The following SMC6 variants were observed in gnomAD, a reference collection of about 807,000 sequenced individuals.
SMC6 encodes structural maintenance of chromosomes 6, also known as structural maintenance of chromosomes protein 6.
Under a neutral mutation model 142.2 loss-of-function variants are expected in SMC6, and 79 were observed. That is an observed-to-expected ratio of 0.56 (90% CI 0.46 to 0.67). The LOEUF is 0.67. Ranked by LOEUF, SMC6 falls within the 30% of genes least tolerant of loss-of-function variation. The probability of loss-of-function intolerance (pLI) is 0.00; values close to 1 mark genes in which losing one functional copy is unlikely to be tolerated. For missense variants in SMC6, 1,072 were observed against 1,284.0 expected (o/e 0.83, Z 2.52); for synonymous variants, 411 against 412.4 (o/e 1.00, Z 0.04).
At chr2:17,720,881 A>T in intron 11 of SMC6, 59 bp downstream of exon 11, 1 of 1,394,246 alleles carries the variant, frequency 7.2e-7, no homozygotes, top group Non-Finnish European at 1.0e-6. Flanking sequence ...TAAATAGTCT[A>T]ATATCTGTAA....
At chr2:17,716,402 A>G in intron 14 of SMC6, 138 bp from the exon 15 acceptor site, 1 of 809,776 alleles carries the variant, frequency 1.2e-6, no homozygotes, top group South Asian at 2.0e-5. Flanking sequence ...TATTTATTTG[A>G]AAATAATTGT....
intron 27 of SMC6, 59 bp from the exon 28 acceptor site, chr2:17,665,672 A>T (rs1236814510): frequency 6.8e-6 from 7 of 1,033,970 alleles, no homozygotes; most frequent in South Asian, 1.6e-5. Context: ...AATTAAAAAA[A>T]ATTCTAATAT....
intron 12 of SMC6, 22 bp from the exon 13 acceptor site, chr2:17,717,198 A>C (rs773227628): frequency 1.3e-6 from 2 of 1,559,002 alleles, no homozygotes; most frequent in Non-Finnish European, 1.7e-6. Flanking sequence ...AATTAGACAC[A>C]CTTTACAAAA....
intron 23 of SMC6, among the ~76,000 whole-genome samples, chr2:17,694,379 T>C (rs1667892646): frequency 6.6e-6 from 1 of 152,142 alleles, no homozygotes; most frequent in Non-Finnish European, 1.5e-5. Flanking sequence ...GTGATGAAGA[T>C]CCTAAATACT....
intron 2 of SMC6, among the ~76,000 whole-genome samples, chr2:17,750,322 T>C (rs1670962105): frequency 6.6e-6 from 1 of 152,178 alleles, no homozygotes; most frequent in Non-Finnish European, 1.5e-5. Context: ...GTAGAATTGG[T>C]GAGTACAAAT....
intron 23 of SMC6, among the ~76,000 whole-genome samples, chr2:17,687,874 T>C (rs900353721): frequency 8.5e-5 from 13 of 152,158 alleles, no homozygotes; most frequent in Admixed American, 1.3e-4. Flanking sequence ...CAAATAACTT[T>C]AGAACAGAGT....
chr2:17,751,005 CAAAA>C (rs34661130), intron 2 of SMC6, among the ~76,000 whole-genome samples: 1 of 53,788 alleles, frequency 1.9e-5, no homozygotes, highest in Non-Finnish European at 3.1e-5. Flanking sequence ...ACAGCTGTCT[CAAAA>C]AAAAAAAAAA....
chr2:17,676,522 T>C (rs1350322026), intron 25 of SMC6, among the ~76,000 whole-genome samples: 2 of 152,184 alleles, frequency 1.3e-5, no homozygotes, highest in Non-Finnish European at 2.9e-5. Flanking sequence ...GTTTTGGCTA[T>C]TTTAGGCCCT....
At chr2:17,711,903 G>A (rs1668843460) in intron 16 of SMC6, among the ~76,000 whole-genome samples, 1 of 152,164 alleles carries the variant, frequency 6.6e-6, no homozygotes, top group African/African-American at 2.4e-5. Flanking sequence ...ACAGGTGTGA[G>A]CCACCGTGAC....
rs780578707 is a variant in SMC6, at chr2:17,665,337, G to T, written c.*162C>A. 101 of 393,880 alleles carry T rather than the reference G, an allele frequency of 2.6e-4. No individual in the cohort carries two copies. Among genetic ancestry groups the T allele is most frequent in the Non-Finnish European group, 4.3e-4 (95 of 223,106 alleles). 24.4% of individuals were successfully genotyped at this position (393,880 alleles called of 1,614,324 possible). A position where few individuals can be genotyped will look rare whatever the true frequency, so the allele number is the denominator to read the frequency against. On this transcript the variant is annotated 3_prime_UTR_variant, in exon 28 of 28. Coordinates refer to ENST00000448223, the MANE Select transcript of SMC6 (RefSeq NM_001142286.2). ...AATCTTAAATTGCAGGTTGTAGTTG[G>T]TTTTCCAGGCTTATTTATATGTTTG...
intron 2 of SMC6, among the ~76,000 whole-genome samples, chr2:17,752,543 A>C (rs2125102375): frequency 6.6e-6 from 1 of 152,338 alleles, no homozygotes; most frequent in Non-Finnish European, 1.5e-5. Context: ...GCTTTTTGTG[A>C]TATAAATACA....
chr2:17,701,297 T>G (rs1668260318), intron 20 of SMC6, among the ~76,000 whole-genome samples: 1 of 152,076 alleles, frequency 6.6e-6, no homozygotes, highest in Non-Finnish European at 1.5e-5. Context: ...AACTGTGCCA[T>G]TTATCTAATT....
intron 25 of SMC6, among the ~76,000 whole-genome samples, chr2:17,671,258 AAAAGTGATTACTGAACGTC>A (rs1233277311): frequency 1.3e-5 from 2 of 152,092 alleles, no homozygotes; most frequent in African/African-American, 4.8e-5. Context: ...AAGCTGCATT[AAAAGTGATTACTGAACGTC>A]AAAAGGACAG....
At chr2:17,677,981 T>C (rs544369149) in intron 25 of SMC6, among the ~76,000 whole-genome samples, 1 of 152,210 alleles carries the variant, frequency 6.6e-6, no homozygotes, top group Non-Finnish European at 1.5e-5. Context: ...ATATTTAGAG[T>C]GGATAGTTGT....
intron 7 of SMC6, among the ~76,000 whole-genome samples, chr2:17,728,905 T>C (rs912900205): frequency 3.3e-5 from 5 of 152,094 alleles, no homozygotes; most frequent in Admixed American, 6.5e-5. Context: ...TGTGCCACCA[T>C]GCCTGCCTAA....
At chr2:17,689,795 T>C (rs1291931475) in intron 23 of SMC6, among the ~76,000 whole-genome samples, 1 of 152,252 alleles carries the variant, frequency 6.6e-6, no homozygotes, top group African/African-American at 2.4e-5. Context: ...CCTAAGACAA[T>C]GTAAATGCTA....
Position 17,738,315 on chromosome 2 carries a change from C to G in SMC6, c.250G>C (p.Ala84Pro). Residue 84 changes from alanine (A) to proline (P), a missense_variant, in exon 5 of 28, where the codon GCA becomes CCA. Transcript: ENST00000448223. ...VVGNNGSGKS[A>P]VLTALIVGLG... ...CCGACTATGAGAGCTGTGAGTACTG[C>G]ACTCTTCCCACCTAAAGAAACAGAT... 6.2e-7 allele frequency: 1 copy of G among 1,610,764 alleles called. No individual in the cohort carries two copies. Among genetic ancestry groups the G allele is most frequent in the Middle Eastern group, 1.7e-4 (1 of 6,042 alleles).
intron 8 of SMC6, 99 bp downstream of exon 8, chr2:17,726,290 A>C: frequency 1.2e-6 from 1 of 866,902 alleles, no homozygotes; most frequent in Non-Finnish European, 1.7e-6. Flanking sequence ...TTAAGGAAAA[A>C]AAAAACTCAG....
intron 15 of SMC6, among the ~76,000 whole-genome samples, chr2:17,715,791 T>G (rs1053078486): frequency 2.0e-5 from 3 of 152,170 alleles, no homozygotes; most frequent in African/African-American, 7.2e-5. Context: ...ATCTTGATGT[T>G]ACTGGTTTTT....
Sources: allele counts gnomAD v4.1 joint callset (sites outside exome capture counted in the v4.1 genomes callset), GRCh38; gene constraint gnomAD v4.1.1; transcripts MANE v1.5; gene names NCBI Gene and HGNC (gene_info 2026-07-23, HGNC 2026-07-21).